The following EFCAB6 variants were observed in gnomAD, a reference collection of about 807,000 sequenced individuals.
EFCAB6 encodes EF-hand calcium binding domain 6, also known as EF-hand calcium-binding domain-containing protein 6.
A neutral mutation model predicts 169.8 loss-of-function variants in EFCAB6; 156 were observed. The observed-to-expected ratio is 0.92, with a 90% CI of 0.81 to 1.05. The LOEUF (loss-of-function observed/expected upper bound fraction) is 1.05. Ranked by LOEUF, EFCAB6 falls within the 50% of genes least tolerant of loss-of-function variation. The probability of loss-of-function intolerance (pLI) is 0.00; values close to 1 mark genes in which losing one functional copy is unlikely to be tolerated. For missense variants in EFCAB6, 1,800 were observed against 1,829.1 expected (o/e 0.98, Z 0.29); for synonymous variants, 698 against 676.4 (o/e 1.03, Z -0.50).
intron 4 of EFCAB6, among the ~76,000 whole-genome samples, chr22:43,769,031 A>C (rs891801988): frequency 2.4e-4 from 36 of 152,228 alleles, no homozygotes; most frequent in African/African-American, 8.0e-4. Flanking sequence ...TGTTCACACG[A>C]AAACCTTTCA....
At chr22:43,712,358 A>G (rs2059191244) in intron 9 of EFCAB6, among the ~76,000 whole-genome samples, 1 of 152,120 alleles carries the variant, frequency 6.6e-6, no homozygotes, top group African/African-American at 2.4e-5. Context: ...GCTAACTGGG[A>G]TAAGAAGATA....
chr22:43,565,410 T>C (rs183952787), intron 26 of EFCAB6, among the ~76,000 whole-genome samples: 12 of 152,294 alleles, frequency 7.9e-5, no homozygotes, highest in Admixed American at 3.9e-4. Flanking sequence ...TGGGTTTCTA[T>C]TGAGTAAGAA....
At chr22:43,625,403 A>G (rs1569270543) in intron 20 of EFCAB6, among the ~76,000 whole-genome samples, 1 of 152,224 alleles carries the variant, frequency 6.6e-6, no homozygotes, top group Non-Finnish European at 1.5e-5. Flanking sequence ...CTCATGTAAT[A>G]ATAATTGGTC....
intron 23 of EFCAB6, among the ~76,000 whole-genome samples, chr22:43,591,124 GTTTTT>G (rs1169720525): frequency 2.6e-5 from 3 of 114,154 alleles, no homozygotes; most frequent in Admixed American, 9.3e-5. Context: ...TTTTTTTTTT[GTTTTT>G]TTTTTGTTTT....
chr22:43,611,520 G>A (rs939135405), intron 21 of EFCAB6, among the ~76,000 whole-genome samples: 1 of 152,202 alleles, frequency 6.6e-6, no homozygotes, highest in Non-Finnish European at 1.5e-5. Flanking sequence ...TATGGGACTA[G>A]GCGTGGTGGC....
At chr22:43,713,716 C>T (rs1202305936) in intron 9 of EFCAB6, among the ~76,000 whole-genome samples, 2 of 152,178 alleles carry the variant, frequency 1.3e-5, no homozygotes, top group Non-Finnish European at 2.9e-5. Flanking sequence ...TGGCATAAAA[C>T]AGGAAGCAAT....
In EFCAB6 at chr22:43,555,910, G is replaced by T. The variant is rs2147081447; in HGVS notation, c.3421-814C>A. Among the ~76,000 whole-genome samples the T allele has an allele frequency of 1.3e-5, 2 of 152,366 alleles. 1 individual carries two copies. Among genetic ancestry groups the T allele is most frequent in the South Asian group, 4.1e-4 (2 of 4,830 alleles). On this transcript the variant is annotated intron_variant, in intron 26 of 31. Coordinates refer to ENST00000262726, the MANE Select transcript of EFCAB6 (RefSeq NM_022785.4). ...AGCAGAAGGATTCTTTTACTGATGTGCTGGCAAGAGGGCTTGTGGCCAGGT... is the reference window on the plus strand; with the variant it reads ...AGCAGAAGGATTCTTTTACTGATGTTCTGGCAAGAGGGCTTGTGGCCAGGT...
intron 5 of EFCAB6, among the ~76,000 whole-genome samples, chr22:43,758,271 G>T (rs1258274764): frequency 6.6e-6 from 1 of 151,980 alleles, no homozygotes; most frequent in Non-Finnish European, 1.5e-5. Context: ...TACAGAGGGG[G>T]GTAGGTCTAT....
chr22:43,767,532 G>T (rs775897276), intron 4 of EFCAB6, among the ~76,000 whole-genome samples: 2 of 152,164 alleles, frequency 1.3e-5, no homozygotes, highest in African/African-American at 2.4e-5. Flanking sequence ...AGCTCACACT[G>T]ACTGGATGCA....
Position 43,809,117 on chromosome 22 carries a change from C to A in EFCAB6, c.-130G>T, listed in dbSNP as rs185844882. 93 of 152,312 alleles carry A rather than the reference C, an allele frequency of 6.1e-4. 1 individual carries two copies. In the East Asian group the frequency reaches 0.016, roughly 27 times the overall value. 9.4% of individuals were successfully genotyped at this position (152,312 alleles called of 1,614,324 possible). A position where few individuals can be genotyped will look rare whatever the true frequency, so the allele number is the denominator to read the frequency against. ...GGGCAGTAATCTAGGCCCTTCCAAT[C>A]CTCTGCGATGAGCCCTGTGAGAAAT... On this transcript the variant is annotated 5_prime_UTR_variant, in exon 2 of 32. Transcript: ENST00000262726.
At chr22:43,554,778 G>C (rs1358858424) in intron 27 of EFCAB6, 91 bp downstream of exon 27, 4 of 1,082,714 alleles carry the variant, frequency 3.7e-6, no homozygotes, top group Middle Eastern at 4.6e-4. Flanking sequence ...TAAAAATAGA[G>C]AACAGTCTTA....
chr22:43,808,407 T>C (rs2062992968), intron 2 of EFCAB6, among the ~76,000 whole-genome samples: 2 of 152,202 alleles, frequency 1.3e-5, no homozygotes, highest in South Asian at 4.1e-4. Context: ...GCGGTCCATG[T>C]GTGTGCTTTT....
At chr22:43,530,780 C>G (rs781458260) in intron 31 of EFCAB6, 35 bp downstream of exon 31, 1 of 1,609,120 alleles carries the variant, frequency 6.2e-7, no homozygotes, top group Non-Finnish European at 8.5e-7. Context: ...GGCAGCTGCT[C>G]CCTGCAGAGG....
chr22:43,529,383 G>C (rs915981858), intron 31 of EFCAB6, among the ~76,000 whole-genome samples: 1 of 152,204 alleles, frequency 6.6e-6, no homozygotes, highest in Admixed American at 6.5e-5. Context: ...TGAGTGCAGA[G>C]AGTTGCTGTG....
In EFCAB6 at chr22:43,662,202, A is replaced by T. The variant is rs902184258; in HGVS notation, c.1983+4902T>A. ...TAATAATAATAATAATAATAATAATAATTTATAGAGTAGACAGAATCTTTC... is the reference window on the plus strand; with the variant it reads ...TAATAATAATAATAATAATAATAATTATTTATAGAGTAGACAGAATCTTTC... On this transcript the variant is annotated intron_variant, in intron 17 of 31. Transcript: ENST00000262726. 1.0e-4 allele frequency among the ~76,000 whole-genome samples: 14 copies of T among 138,220 alleles called. No homozygotes were observed. The East Asian group carries it at 1.8e-3, about 17-fold the overall frequency. The allele number at this position is 138,220 out of a possible 152,430, so 90.7% of individuals were successfully genotyped here. A position where few individuals can be genotyped will look rare whatever the true frequency, so the allele number is the denominator to read the frequency against.
At chr22:43,760,259 T>C (rs1256959436) in intron 5 of EFCAB6, among the ~76,000 whole-genome samples, 1 of 148,464 alleles carries the variant, frequency 6.7e-6, no homozygotes, top group African/African-American at 2.5e-5. Flanking sequence ...AAGTATATAA[T>C]ATAGAGTTCT....
intron 3 of EFCAB6, among the ~76,000 whole-genome samples, chr22:43,780,384 G>A (rs2061779509): frequency 6.6e-6 from 1 of 151,284 alleles, no homozygotes. Flanking sequence ...CTACTCAGGA[G>A]GCTGAGGCAT....
At chr22:43,645,592 C>A (rs2056103562) in intron 17 of EFCAB6, among the ~76,000 whole-genome samples, 1 of 152,114 alleles carries the variant, frequency 6.6e-6, no homozygotes, top group Non-Finnish European at 1.5e-5. Context: ...CAATTGCATA[C>A]CCATATTTTA....
Position 43,783,077 on chromosome 22 carries a change from TATC to T in EFCAB6, c.-7-755_-7-753del, listed in dbSNP as rs151202731. On this transcript the variant is annotated intron_variant, in intron 2 of 31. Transcript: ENST00000262726. ...TGTCAAAGCCTCCTTACCCGGAACTTATCATTATTTGACCTGATGTTTCCCTGA... is the reference window on the plus strand; with the variant it reads ...TGTCAAAGCCTCCTTACCCGGAACTTATTATTTGACCTGATGTTTCCCTGA... 5.5e-4 allele frequency among the ~76,000 whole-genome samples: 83 copies of T among 152,230 alleles called. 6 individuals are homozygous for T. In the East Asian group the frequency reaches 0.016, roughly 29 times the overall value.
Sources: gnomAD v4.1 joint callset for allele counts (sites outside exome capture counted in the v4.1 genomes callset) on GRCh38, gnomAD v4.1.1 for gene constraint, MANE v1.5 for transcripts, NCBI Gene and HGNC (gene_info 2026-07-23, HGNC 2026-07-21) for gene names.